Variants in COL28A1 observed in about 807,000 individuals in gnomAD.
The protein encoded by COL28A1 is collagen type XXVIII alpha 1 chain, also known as collagen alpha-1(XXVIII) chain.
In COL28A1, 161 loss-of-function variants were observed where a neutral mutation model predicts 150.2. That is an observed-to-expected ratio of 1.07 (90% confidence interval 0.94 to 1.22). The LOEUF (loss-of-function observed/expected upper bound fraction) is 1.22, where lower values mean the gene tolerates loss of function less well. Among genes scored for constraint, COL28A1 ranks in the 50% most tolerant of loss-of-function variants. The probability of loss-of-function intolerance (pLI) is 0.00; values close to 1 mark genes in which losing one functional copy is unlikely to be tolerated. For synonymous variants in COL28A1, 552 were observed against 469.7 expected (o/e 1.18, Z -2.26); for missense variants, 1,617 against 1,388.3 (o/e 1.16, Z -2.62).
intron 27 of COL28A1, among the ~76,000 whole-genome samples, chr7:7,408,144 G>A (rs944063387): frequency 6.6e-6 from 1 of 151,972 alleles, no homozygotes; most frequent in South Asian, 2.1e-4. Context: ...GTAGGCACTA[G>A]TTCCTACATT....
At chr7:7,380,173 C>G (rs1410618061) in intron 30 of COL28A1, among the ~76,000 whole-genome samples, 1 of 152,136 alleles carries the variant, frequency 6.6e-6, no homozygotes, top group Non-Finnish European at 1.5e-5. Flanking sequence ...GGGAGAAGAA[C>G]AGGGAAACGT....
At chr7:7,508,371 T>C (rs886821828) in intron 9 of COL28A1, among the ~76,000 whole-genome samples, 1 of 152,344 alleles carries the variant, frequency 6.6e-6, no homozygotes, top group South Asian at 2.1e-4. Flanking sequence ...CATCTTTATG[T>C]ATAAATCTCT....
chr7:7,383,635 TA>T (rs1277007760), intron 27 of COL28A1, among the ~76,000 whole-genome samples: 1 of 148,176 alleles, frequency 6.7e-6, no homozygotes, highest in Non-Finnish European at 1.5e-5. Context: ...TCCAATTTTT[TA>T]AAAAAACCTC....
At chr7:7,417,964 A>C (rs1202110741) in intron 26 of COL28A1, 37 bp from the exon 27 acceptor site, 5 of 1,509,522 alleles carry the variant, frequency 3.3e-6, no homozygotes, top group Non-Finnish European at 4.6e-6. Context: ...GACAAAATGT[A>C]AGAAGATCGA....
At chr7:7,436,818 T>A (rs941797487) in intron 22 of COL28A1, among the ~76,000 whole-genome samples, 3 of 152,078 alleles carry the variant, frequency 2.0e-5, no homozygotes, top group African/African-American at 7.2e-5. Flanking sequence ...GGCAGGCGGG[T>A]CACTTGAATC....
intron 27 of COL28A1, among the ~76,000 whole-genome samples, chr7:7,403,405 G>A (rs1048203241): frequency 2.6e-5 from 4 of 152,168 alleles, no homozygotes; most frequent in Non-Finnish European, 5.9e-5. Context: ...CGCCTCTTTT[G>A]ACTTGTTTTC....
chr7:7,406,876 C>T (rs1199546707), intron 27 of COL28A1, among the ~76,000 whole-genome samples: 2 of 151,648 alleles, frequency 1.3e-5, no homozygotes, highest in African/African-American at 4.8e-5. Context: ...TTTTTTTAAT[C>T]TTTAAAAAAT....
At chr7:7,386,599 G>A (rs1186952064) in intron 27 of COL28A1, among the ~76,000 whole-genome samples, 2 of 152,168 alleles carry the variant, frequency 1.3e-5, no homozygotes, top group Admixed American at 1.3e-4. Flanking sequence ...TTTTTAACAG[G>A]ATGCTAAAGG....
intron 8 of COL28A1, among the ~76,000 whole-genome samples, chr7:7,515,073 C>G (rs17168371): frequency 5.3e-4 from 80 of 152,250 alleles, no homozygotes; most frequent in African/African-American, 1.8e-3. Flanking sequence ...AAGTTCTAGC[C>G]TCTTTCTCAT....
chr7:7,540,224 G>C (rs891442314), upstream of COL28A1, among the ~76,000 whole-genome samples: 3 of 152,060 alleles, frequency 2.0e-5, 1 homozygote, highest in Non-Finnish European at 4.4e-5. Flanking sequence ...ACTTTTTCAT[G>C]CAGAGCCTAC....
At position 7,477,105 on chromosome 7, in the gene COL28A1, T is replaced by C. The variant is rs1788952529; in HGVS notation, c.1233+7A>G. The C allele has an allele frequency of 1.8e-6, 2 of 1,097,660 alleles. 1 individual carries two copies. Among genetic ancestry groups the C allele is most frequent in the Non-Finnish European group, 2.8e-6 (2 of 707,256 alleles). 68.0% of individuals were successfully genotyped at this position (1,097,660 alleles called of 1,614,324 possible). A position where few individuals can be genotyped will look rare whatever the true frequency, so the allele number is the denominator to read the frequency against. On this transcript the variant is annotated splice_region_variant and intron_variant, in intron 14 of 34. Coordinates refer to ENST00000399429, the MANE Select transcript of COL28A1 (RefSeq NM_001037763.3). ...GCACCTTTTCCTGGTACAGAAGGTA[T>C]TGTTACCTTTGGTCCTGGAAATCCT...
intron 25 of COL28A1, among the ~76,000 whole-genome samples, chr7:7,430,759 TA>T (rs1784916982): frequency 6.6e-6 from 1 of 152,214 alleles, no homozygotes; most frequent in African/African-American, 2.4e-5. Flanking sequence ...CTATTTTTTT[TA>T]ATTTTAGGAT....
At chr7:7,457,970 G>T (rs1004707702) in intron 15 of COL28A1, among the ~76,000 whole-genome samples, 1 of 152,162 alleles carries the variant, frequency 6.6e-6, no homozygotes, top group African/African-American at 2.4e-5. Context: ...TCTCGTAATT[G>T]ATCAATGCTG....
intron 11 of COL28A1, among the ~76,000 whole-genome samples, chr7:7,505,035 A>T (rs1780733872): frequency 6.6e-6 from 1 of 152,206 alleles, no homozygotes; most frequent in Admixed American, 6.5e-5. Flanking sequence ...GAAGTGAAAA[A>T]GACAGTTTCC....
chr7:7,452,391 G>T lies in COL28A1; in HGVS notation c.1441-4C>A, dbSNP rs1435393646. ...GTCCCATTTGGCCTACTTCTCCCTA[G>T]TAAGAAAAGAGTTTAATACAGCAGC... On this transcript the variant is annotated splice_polypyrimidine_tract_variant and splice_region_variant and intron_variant, in intron 17 of 34. Coordinates refer to ENST00000399429, the MANE Select transcript of COL28A1 (RefSeq NM_001037763.3). 6 of 1,592,204 alleles carry T rather than the reference G, an allele frequency of 3.8e-6. No individual in the cohort carries two copies. The Admixed American group carries it at 1.2e-4, about 31-fold the overall frequency.
Position 7,531,835 on chromosome 7 carries a change from T to C in COL28A1, c.194A>G (p.Asp65Gly). 1.9e-6 allele frequency: 3 copies of C among 1,607,310 alleles called. No individual in the cohort carries two copies. Among genetic ancestry groups the C allele is most frequent in the Non-Finnish European group, 2.6e-6 (3 of 1,173,828 alleles). The change falls in exon 3 of 35, where the codon GAT becomes GGT. Residue 65 changes from aspartate to glycine, a missense_variant. Asp to Gly is a moderately conservative substitution (Grantham distance 94). Transcript: ENST00000399429. The stretch of plus-strand genomic sequence containing the variant: ...GCTATCCACAAAATCTTTCTGTTTA[T>C]CAAAGAGGGCAATTTTAGAACTTTC... Reference protein sequence around the residue: ...SSESSKIALFDKQKDFVDSLS... With the variant: ...SSESSKIALFGKQKDFVDSLS...
At chr7:7,375,284 AG>A (rs1274316635) in intron 31 of COL28A1, among the ~76,000 whole-genome samples, 176 bp downstream of exon 31, 1 of 152,182 alleles carries the variant, frequency 6.6e-6, no homozygotes, top group Non-Finnish European at 1.5e-5. Flanking sequence ...TCCTTACATC[AG>A]GATTCCCACA....
the COL28A1 span, among the ~76,000 whole-genome samples, chr7:7,343,725 G>A: frequency 2.0e-5 from 3 of 151,930 alleles, no homozygotes; most frequent in Non-Finnish European, 4.4e-5. Context: ...GTGCATTTAT[G>A]GGCCAACTGC....
chr7:7,484,066 G>C, intron 13 of COL28A1, among the ~76,000 whole-genome samples: 1 of 151,828 alleles, frequency 6.6e-6, no homozygotes, highest in East Asian at 1.9e-4. Flanking sequence ...TAATAGCTAA[G>C]AACTTTTTTA....
Sources: allele counts gnomAD v4.1 joint callset (sites outside exome capture counted in the v4.1 genomes callset), GRCh38; gene constraint gnomAD v4.1.1; transcripts MANE v1.5; gene names NCBI Gene and HGNC (gene_info 2026-07-23, HGNC 2026-07-21).